Variants in ALDH1L1 observed in about 807,000 individuals in gnomAD.
ALDH1L1 encodes cytosolic 10-formyltetrahydrofolate dehydrogenase.
In ALDH1L1, 68 loss-of-function variants were observed where a neutral mutation model predicts 101.1. The ratio of observed to expected loss-of-function variants is 0.67; its 90% CI spans 0.55 to 0.82. ALDH1L1 has a LOEUF of 0.82. ALDH1L1 is among the 40% of genes least tolerant of loss of function. The pLI, the probability that ALDH1L1 is intolerant of heterozygous loss-of-function variation, is 0.00. For synonymous variants in ALDH1L1, 486 were observed against 470.8 expected, an observed-to-expected ratio of 1.03 and a Z score of -0.42; for missense variants, 1,087 against 1,172.7, an observed-to-expected ratio of 0.93 and a Z score of 1.07.
In ALDH1L1 at chr3:126,130,207, C is replaced by T; in HGVS notation, c.1694+16G>A. On this transcript the variant is annotated intron_variant, in intron 14 of 22. Coordinates refer to ENST00000393434, the MANE Select transcript of ALDH1L1 (RefSeq NM_012190.4). ...AAGCACCGCGAGGCTGCACCTCGCC[C>T]TGGGCAGGAACTCACCCAACAGGCT... is the stretch of plus-strand genomic sequence containing the variant. 2 of 1,597,854 alleles carry T rather than the reference C, an allele frequency of 1.3e-6. No homozygotes were observed. The highest frequency in any genetic ancestry group is 1.7e-6 in the Non-Finnish European group (2 of 1,172,364).
At position 126,179,327 on chromosome 3, in the gene ALDH1L1, C is replaced by T. The variant is rs759637298; in HGVS notation, c.-24+1149G>A. ...TGTGAGGCTGGGCCACCCTGCAGGA[C>T]TGCAGCTCTGGGCCCTCTGTTCTGG... On this transcript the variant is annotated intron_variant, in intron 1 of 22. Coordinates refer to ENST00000393434, the MANE Select transcript of ALDH1L1 (RefSeq NM_012190.4). Among the ~76,000 whole-genome samples, 3 of 152,382 alleles carry T rather than the reference C, an allele frequency of 2.0e-5. No homozygotes were observed. The South Asian group carries it at 6.2e-4, about 32-fold the overall frequency.
chr3:126,171,069 C>T (rs1291478284), intron 1 of ALDH1L1, among the ~76,000 whole-genome samples: 2 of 152,112 alleles, frequency 1.3e-5, no homozygotes, highest in East Asian at 1.9e-4. Flanking sequence ...GAGGCCGAGG[C>T]GGGCGGATCA....
At chr3:126,171,496 A>G (rs1224268002) in intron 1 of ALDH1L1, among the ~76,000 whole-genome samples, 2 of 152,024 alleles carry the variant, frequency 1.3e-5, no homozygotes, top group African/African-American at 4.8e-5. Context: ...ACTTGGCCAG[A>G]AGGCTCCTTT....
chr3:126,154,446 G>T, intron 6 of ALDH1L1, 108 bp downstream of exon 6: 1 of 1,164,686 alleles, frequency 8.6e-7, no homozygotes, highest in Non-Finnish European at 1.3e-6. Flanking sequence ...GTAGGGGCCA[G>T]GGCAGTAGCT....
intron 4 of ALDH1L1, chr3:126,155,823 C>A: frequency 5.4e-6 from 1 of 183,566 alleles, no homozygotes; most frequent in Non-Finnish European, 1.1e-5. Context: ...ATGTTGCTGT[C>A]TAAGCCTTCT....
At chr3:126,159,310 T>C (rs1343631030) in intron 2 of ALDH1L1, 1 of 405,120 alleles carries the variant, frequency 2.5e-6, no homozygotes, top group Admixed American at 2.7e-5. Context: ...CACACCCTCC[T>C]CACAGGTCTG....
chr3:126,143,816 A>C (rs1049743908), intron 9 of ALDH1L1, among the ~76,000 whole-genome samples: 2 of 152,100 alleles, frequency 1.3e-5, no homozygotes, highest in Non-Finnish European at 1.5e-5. Context: ...GTAGTGGTGC[A>C]TGCCTGCAGT....
chr3:126,141,281 A>G (rs1201294838), intron 9 of ALDH1L1, among the ~76,000 whole-genome samples: 1 of 152,106 alleles, frequency 6.6e-6, no homozygotes, highest in African/African-American at 2.4e-5. Context: ...TTTCTACAAT[A>G]GTAGTTAGCT....
chr3:126,177,388 G>T (rs1404976931), intron 1 of ALDH1L1, among the ~76,000 whole-genome samples: 1 of 152,158 alleles, frequency 6.6e-6, no homozygotes, highest in Admixed American at 6.5e-5. Context: ...AAAGAAATGG[G>T]TTACCAAGTC....
At chr3:126,155,017 C>T (rs2080877208) in intron 5 of ALDH1L1, among the ~76,000 whole-genome samples, 2 of 152,214 alleles carry the variant, frequency 1.3e-5, no homozygotes, top group African/African-American at 4.8e-5. Flanking sequence ...ACACAGCCTA[C>T]AGGCTTCTGA....
chr3:126,117,907 G>A, intron 17 of ALDH1L1, 98 bp downstream of exon 17: 1 of 1,223,184 alleles, frequency 8.2e-7, no homozygotes, highest in Non-Finnish European at 1.2e-6. Context: ...GCTGTGCCCT[G>A]GAGCCTGGGA....
intron 22 of ALDH1L1, chr3:126,105,279 G>A (rs1945825533): frequency 3.6e-6 from 1 of 280,652 alleles, no homozygotes; most frequent in Non-Finnish European, 7.0e-6. Flanking sequence ...TGCCTCTCAG[G>A]CCTTCTCTCC....
rs766078965 is a variant in ALDH1L1 at position 126,155,490 on chromosome 3, C to T, written c.542G>A (p.Arg181Lys). 4.3e-6 allele frequency: 7 copies of T among 1,612,274 alleles called. No homozygotes were observed. In the African/African-American group the frequency reaches 8.0e-5, roughly 18 times the overall value. Residue 181 changes from arginine (R) to lysine (K), a missense_variant, in exon 5 of 23, where the codon AGG (arginine) becomes AAG (lysine). Arg to Lys is a conservative substitution (Grantham distance 26, BLOSUM62 2). This residue lies in a region of ALDH1L1 where 645 missense variants were observed against 637.0 expected (regional missense o/e 1.01). Coordinates refer to ENST00000393434, the MANE Select transcript of ALDH1L1 (RefSeq NM_012190.4). ...GGGGGCTTTGCCCTCAGCGATCAGC[C>T]TCACGGCCTGCACCTGGGGAGATCC... ...EGIKGMVQAV[R>K]LIAEGKAPRL...
chr3:126,149,657 C>T (rs1358561092), intron 8 of ALDH1L1, among the ~76,000 whole-genome samples: 1 of 152,196 alleles, frequency 6.6e-6, no homozygotes, highest in Non-Finnish European at 1.5e-5. Context: ...AGCCTTGCCG[C>T]ACATGTGCTG....
intron 1 of ALDH1L1, chr3:126,179,947 C>G (rs879637425): frequency 2.0e-5 from 3 of 152,216 alleles, no homozygotes; most frequent in Non-Finnish European, 4.4e-5. Flanking sequence ...CAGCGCAGCC[C>G]CTGAGCGCTC....
chr3:126,158,697 C>T, intron 2 of ALDH1L1, 58 bp from the exon 3 acceptor site: 1 of 1,520,186 alleles, frequency 6.6e-7, no homozygotes, highest in South Asian at 1.2e-5. Flanking sequence ...CACGCAGCCA[C>T]CTCTGCCTTC....
chr3:126,105,628 G>A lies in ALDH1L1; in HGVS notation c.2653+98C>T, dbSNP rs185355116. On this transcript the variant is annotated intron_variant, in intron 22 of 22. Coordinates refer to ENST00000393434, the MANE Select transcript of ALDH1L1 (RefSeq NM_012190.4). Reference sequence around the variant, plus strand: ...TGACAGCCATCATGTTCAAGGCTACGTCCCTGCATCTGAGATAGGACCTGG... The same window carrying A: ...TGACAGCCATCATGTTCAAGGCTACATCCCTGCATCTGAGATAGGACCTGG... 4,411 of 1,369,996 alleles carry A rather than the reference G, an allele frequency of 3.2e-3. 12 individuals carry two copies. The highest frequency in any genetic ancestry group is 4.1e-3 in the Non-Finnish European group (3,896 of 961,202). The allele number at this position is 1,369,996 out of a possible 1,614,324, so 84.9% of individuals were successfully genotyped here. A position where few individuals can be genotyped will look rare whatever the true frequency, so the allele number is the denominator to read the frequency against.
intron 1 of ALDH1L1, among the ~76,000 whole-genome samples, chr3:126,164,240 A>G (rs566330714): frequency 2.0e-5 from 3 of 152,288 alleles, no homozygotes; most frequent in Admixed American, 2.0e-4. Flanking sequence ...CAAATGTCCT[A>G]TTCAGGTTTT....
intron 1 of ALDH1L1, among the ~76,000 whole-genome samples, chr3:126,175,909 T>C (rs1377026400): frequency 6.6e-6 from 1 of 152,124 alleles, no homozygotes; most frequent in Non-Finnish European, 1.5e-5. Context: ...ACTGTTCTTG[T>C]TCTCAAAAAA....
Sources: allele counts gnomAD v4.1 joint callset (sites outside exome capture counted in the v4.1 genomes callset), GRCh38; gene constraint gnomAD v4.1.1; regional missense constraint gnomAD v4.1.1; transcripts MANE v1.5; gene names NCBI Gene and HGNC (gene_info 2026-07-23, HGNC 2026-07-21).